The following CYTH1 variants were observed in gnomAD, a reference collection of about 807,000 sequenced individuals.
The protein encoded by CYTH1 is cytohesin-1.
CYTH1 carries 18 observed loss-of-function variants against 61.8 expected under a neutral mutation model. That is an observed-to-expected ratio of 0.29 (90% CI 0.20 to 0.43). The LOEUF is 0.43. CYTH1 is among the 20% of genes least tolerant of loss of function. CYTH1 has a pLI of 1.00. For missense variants in CYTH1, 336 were observed against 510.5 expected (o/e 0.66, Z 3.29); for synonymous variants, 174 against 184.3 (o/e 0.94, Z 0.45).
chr17:78,778,937 G>A (rs1156940601), intron 1 of CYTH1, among the ~76,000 whole-genome samples: 1 of 152,148 alleles, frequency 6.6e-6, no homozygotes, highest in Non-Finnish European at 1.5e-5. Flanking sequence ...AAACCTATGA[G>A]GGAAATGGAC....
At chr17:78,743,656 T>C (rs969034366) in intron 1 of CYTH1, among the ~76,000 whole-genome samples, 1 of 152,250 alleles carries the variant, frequency 6.6e-6, no homozygotes, top group Non-Finnish European at 1.5e-5. Context: ...TAGCAGCCTA[T>C]TCTTGTTTCA....
At chr17:78,751,228 C>T (rs2093378974) in intron 1 of CYTH1, among the ~76,000 whole-genome samples, 1 of 152,150 alleles carries the variant, frequency 6.6e-6, no homozygotes, top group African/African-American at 2.4e-5. Context: ...ATCCACCTGC[C>T]TCAGCCTCCC....
At chr17:78,781,569 C>T (rs1213778232) in intron 1 of CYTH1, among the ~76,000 whole-genome samples, 2 of 152,116 alleles carry the variant, frequency 1.3e-5, no homozygotes, top group African/African-American at 2.4e-5. Flanking sequence ...CGGCGGCTAC[C>T]GGGCCCAGAC....
chr17:78,703,411 CAAAAAAAAAAAA>C (rs67437891), intron 3 of CYTH1, among the ~76,000 whole-genome samples: 1 of 69,690 alleles, frequency 1.4e-5, no homozygotes, highest in Non-Finnish European at 2.6e-5. Flanking sequence ...ACTCCGTCTC[CAAAAAAAAAAAA>C]AAAAAAAAAA....
intron 1 of CYTH1, among the ~76,000 whole-genome samples, chr17:78,734,705 G>T (rs2093312504): frequency 6.6e-6 from 1 of 152,064 alleles, no homozygotes; most frequent in African/African-American, 2.4e-5. Context: ...CTCCCAAAGT[G>T]CTGGGATTAT....
chr17:78,704,081 C>T (rs1168925551), intron 3 of CYTH1, among the ~76,000 whole-genome samples: 1 of 152,190 alleles, frequency 6.6e-6, no homozygotes, highest in East Asian at 1.9e-4. Flanking sequence ...AAAGTCTGGT[C>T]CACCAACCAG....
At chr17:78,710,336 C>T (rs767453377) in intron 1 of CYTH1, among the ~76,000 whole-genome samples, 6 of 152,224 alleles carry the variant, frequency 3.9e-5, no homozygotes, top group Non-Finnish European at 5.9e-5. Context: ...CTTTCTGCTT[C>T]ATACCTTTCT....
chr17:78,782,172 G>T, intron 1 of CYTH1, 30 bp downstream of exon 1: 1 of 1,358,888 alleles, frequency 7.4e-7, no homozygotes. Context: ...GACAGCGAGG[G>T]GGAAGCGTCC....
At chr17:78,727,744 G>C (rs1372430394) in intron 1 of CYTH1, 1 of 470,736 alleles carries the variant, frequency 2.1e-6, no homozygotes, top group African/African-American at 2.0e-5. Context: ...TGTTAGGAGG[G>C]CAGGCTTCTT....
intron 1 of CYTH1, among the ~76,000 whole-genome samples, chr17:78,711,098 T>C (rs1422475894): frequency 1.3e-5 from 2 of 151,544 alleles, no homozygotes; most frequent in Admixed American, 6.6e-5. Context: ...CCGTCACTAC[T>C]AAAAATACAA....
chr17:78,755,491 T>TAAAAAAAA lies in CYTH1; in HGVS notation c.22+26703_22+26710dup, dbSNP rs3073742. ...GTATGATGTTGGCAGTGGGTTTATTTAAAAAAAAAAAAAAGGAAAGAAAGC... is the reference window on the plus strand; with the variant it reads ...GTATGATGTTGGCAGTGGGTTTATTTAAAAAAAAAAAAAAAAAAAAAAGGAAAGAAAGC... On this transcript the variant is annotated intron_variant, in intron 1 of 13. Transcript: ENST00000446868. 7.7e-3 allele frequency among the ~76,000 whole-genome samples: 1,005 copies of TAAAAAAAA among 129,788 alleles called. 28 individuals carry two copies. The highest frequency in any genetic ancestry group is 0.022 in the African/African-American group (738 of 33,698). The allele number at this position is 129,788 out of a possible 152,430, so 85.1% of individuals were successfully genotyped here.
chr17:78,684,655 C>A (rs375484527), intron 11 of CYTH1, among the ~76,000 whole-genome samples: 40 of 152,272 alleles, frequency 2.6e-4, no homozygotes, highest in African/African-American at 9.6e-4. Context: ...CCTAAATTAT[C>A]ATTGCTGACA....
chr17:78,677,344 G>C (rs1401184976), intron 13 of CYTH1: 1 of 253,370 alleles, frequency 3.9e-6, no homozygotes, highest in East Asian at 1.4e-4. Context: ...CAGAGTGTCA[G>C]GCGATGAGGG....
chr17:78,765,387 T>C (rs146594706), intron 1 of CYTH1, among the ~76,000 whole-genome samples: 1 of 152,304 alleles, frequency 6.6e-6, no homozygotes, highest in African/African-American at 2.4e-5. Flanking sequence ...ATTCTAAAAA[T>C]CTTTTTAGAA....
chr17:78,720,574 C>T (rs1242408980), intron 1 of CYTH1, among the ~76,000 whole-genome samples: 4 of 152,234 alleles, frequency 2.6e-5, no homozygotes, highest in South Asian at 2.1e-4. Context: ...CTGCTTCAGC[C>T]TCCCAAAGTG....
chr17:78,748,012 G>A (rs1035560638), intron 1 of CYTH1, among the ~76,000 whole-genome samples: 1 of 151,814 alleles, frequency 6.6e-6, no homozygotes, highest in African/African-American at 2.4e-5. Context: ...TGTTTTTGTT[G>A]CTTCATTCAA....
intron 1 of CYTH1, among the ~76,000 whole-genome samples, chr17:78,767,515 TAA>T (rs1483812728): frequency 1.3e-5 from 2 of 150,618 alleles, no homozygotes; most frequent in African/African-American, 4.8e-5. Flanking sequence ...ACAAAGAATT[TAA>T]AAAGTCTGAA....
intron 1 of CYTH1, among the ~76,000 whole-genome samples, chr17:78,711,332 C>CA (rs2093130268): frequency 6.6e-6 from 1 of 150,968 alleles, no homozygotes; most frequent in African/African-American, 2.4e-5. Flanking sequence ...CACACACACA[C>CA]ACACACCAGA....
chr17:78,731,481 C>T (rs1254966335), intron 1 of CYTH1, among the ~76,000 whole-genome samples: 1 of 152,142 alleles, frequency 6.6e-6, no homozygotes. Context: ...GAAATCTCGT[C>T]GGGCGCGGTG....
Sources: allele counts gnomAD v4.1 joint callset (sites outside exome capture counted in the v4.1 genomes callset), GRCh38; gene constraint gnomAD v4.1.1; transcripts MANE v1.5; gene names NCBI Gene and HGNC (gene_info 2026-07-23, HGNC 2026-07-21).